Variants in FGF7 observed in about 807,000 individuals in gnomAD.
The protein encoded by FGF7 is fibroblast growth factor 7.
A neutral mutation model predicts 20.5 loss-of-function variants in FGF7; 6 were observed. The ratio of observed to expected loss-of-function variants is 0.29; its 90% confidence interval spans 0.16 to 0.58. FGF7 has a LOEUF of 0.58. Among genes scored for constraint, FGF7 ranks in the 20% least tolerant of loss-of-function variants. FGF7 has a pLI of 0.90. For missense variants in FGF7, 144 were observed against 228.8 expected (o/e 0.63, Z 2.39); for synonymous variants, 64 against 74.7 (o/e 0.86, Z 0.74).
At chr15:49,430,651 T>C (rs575903625) in intron 2 of FGF7, among the ~76,000 whole-genome samples, 6 of 151,926 alleles carry the variant, frequency 3.9e-5, no homozygotes, top group African/African-American at 1.4e-4. Flanking sequence ...CATTCCATGG[T>C]GGAAGGTAGA....
intron 2 of FGF7, among the ~76,000 whole-genome samples, chr15:49,430,236 G>A (rs904122255): frequency 1.3e-5 from 2 of 151,886 alleles, no homozygotes; most frequent in Non-Finnish European, 2.9e-5. Context: ...AATAGGTTCT[G>A]TACCACAGCC....
At chr15:49,474,527 A>G (rs377321108) in intron 2 of FGF7, among the ~76,000 whole-genome samples, 3 of 152,326 alleles carry the variant, frequency 2.0e-5, no homozygotes, top group African/African-American at 7.2e-5. Flanking sequence ...CAGTCAATAA[A>G]AGGTAAAAGA....
intron 2 of FGF7, among the ~76,000 whole-genome samples, chr15:49,450,758 G>A (rs113047963): frequency 0.023 from 3,532 of 152,102 alleles, 89 homozygotes; most frequent in South Asian, 0.13. Context: ...ATAACACTGC[G>A]TTTGTTATGA....
At position 49,488,612 on chromosome 15, in the gene FGF7, T is replaced by C. The variant is rs1029360769; in HGVS notation, c.*4108T>C. On this transcript the variant is annotated 3_prime_UTR_variant, in exon 4 of 4. Transcript: ENST00000267843. ...TTCCAAGTTCTTATCATTGAATTTA[T>C]GAGAGCCTATCAAAATTTATTTTCT... 2.0e-5 allele frequency: 3 copies of C among 152,014 alleles called. No individual in the cohort carries two copies. The highest frequency in any genetic ancestry group is 4.4e-5 in the Non-Finnish European group (3 of 67,924). 9.4% of individuals were successfully genotyped at this position (152,014 alleles called of 1,614,324 possible).
intron 2 of FGF7, among the ~76,000 whole-genome samples, chr15:49,468,716 A>G (rs899662023): frequency 6.6e-5 from 10 of 152,316 alleles, no homozygotes; most frequent in African/African-American, 2.4e-4. Context: ...AGTGAACTCA[A>G]TTCTTTCCTA....
At chr15:49,434,772 A>G (rs886532701) in intron 2 of FGF7, 1 of 151,590 alleles carries the variant, frequency 6.6e-6, no homozygotes, top group Non-Finnish European at 1.5e-5. Context: ...TTAAATCTAA[A>G]AACATAGACT....
chr15:49,483,132 T>C lies in FGF7; in HGVS notation c.287-19T>C, dbSNP rs762039173. The C allele has an allele frequency of 3.0e-6, 4 of 1,333,070 alleles. No homozygotes were observed. Among genetic ancestry groups the C allele is most frequent in the South Asian group, 2.3e-5 (2 of 85,712 alleles). The allele number at this position is 1,333,070 out of a possible 1,614,324, so 82.6% of individuals were successfully genotyped here. On this transcript the variant is annotated intron_variant, in intron 2 of 3. Coordinates refer to ENST00000267843, the MANE Select transcript of FGF7 (RefSeq NM_002009.4). ...AAACTGAACGAATATTTGACATGTC[T>C]TTCTGTGATTCCTTGCAGATATCAT...
intron 2 of FGF7, among the ~76,000 whole-genome samples, chr15:49,468,811 C>T (rs1373509018): frequency 6.6e-6 from 1 of 152,186 alleles, no homozygotes; most frequent in Non-Finnish European, 1.5e-5. Flanking sequence ...CCAATACTAG[C>T]ACTGACAAAA....
chr15:49,449,757 T>C (rs1405867303), intron 2 of FGF7, among the ~76,000 whole-genome samples: 1 of 151,852 alleles, frequency 6.6e-6, no homozygotes, highest in Non-Finnish European at 1.5e-5. Flanking sequence ...AGTGCCTTGC[T>C]TTTCTCTTTC....
At chr15:49,481,366 C>T (rs1315319516) in intron 2 of FGF7, among the ~76,000 whole-genome samples, 1 of 152,154 alleles carries the variant, frequency 6.6e-6, no homozygotes, top group Non-Finnish European at 1.5e-5. Context: ...ACAAATTTAA[C>T]CTAATAGTAT....
intron 2 of FGF7, among the ~76,000 whole-genome samples, chr15:49,426,011 A>G (rs1048996370): frequency 2.6e-5 from 4 of 151,498 alleles, no homozygotes; most frequent in East Asian, 3.9e-4. Context: ...TATCATGGAT[A>G]TAATAACAAT....
intron 2 of FGF7, among the ~76,000 whole-genome samples, chr15:49,453,950 T>C (rs1355714594): frequency 6.6e-6 from 1 of 152,146 alleles, no homozygotes; most frequent in African/African-American, 2.4e-5. Flanking sequence ...AATCACCAAG[T>C]CCTACTATTC....
intron 2 of FGF7, among the ~76,000 whole-genome samples, chr15:49,468,331 T>C (rs951330911): frequency 6.6e-6 from 1 of 152,212 alleles, no homozygotes; most frequent in Non-Finnish European, 1.5e-5. Context: ...CATGTGGAAC[T>C]ATTTTGAATT....
At chr15:49,435,130 A>G (rs1270665053) in intron 2 of FGF7, among the ~76,000 whole-genome samples, 1 of 151,602 alleles carries the variant, frequency 6.6e-6, no homozygotes, top group Non-Finnish European at 1.5e-5. Flanking sequence ...GGGAAAAGGC[A>G]TAAGTGTGAA....
At chr15:49,463,329 G>A (rs2053970890) in intron 2 of FGF7, among the ~76,000 whole-genome samples, 1 of 152,146 alleles carries the variant, frequency 6.6e-6, no homozygotes, top group Non-Finnish European at 1.5e-5. Flanking sequence ...TGAGGTGGGT[G>A]GATCACCTGA....
In FGF7 at chr15:49,464,438, G is replaced by A. The variant is rs1035929652; in HGVS notation, c.287-18713G>A. On this transcript the variant is annotated intron_variant, in intron 2 of 3. Transcript: ENST00000267843. Reference sequence around the variant, plus strand: ...ATAAATGATCTAAAAGTATGTACGTGTAGTGAAAATTCTAAGTTTGTAGGT... The same window carrying A: ...ATAAATGATCTAAAAGTATGTACGTATAGTGAAAATTCTAAGTTTGTAGGT... Among the ~76,000 whole-genome samples the A allele has an allele frequency of 5.9e-5, 9 of 152,144 alleles. 1 individual carries two copies. The highest frequency in any genetic ancestry group is 5.9e-4 in the Admixed American group (9 of 15,286).
intron 2 of FGF7, among the ~76,000 whole-genome samples, chr15:49,450,171 A>G (rs1014775118): frequency 2.0e-5 from 3 of 152,174 alleles, no homozygotes; most frequent in Non-Finnish European, 4.4e-5. Context: ...TGGAATTAGA[A>G]TGGCAGAAGA....
chr15:49,432,280 G>C (rs969320284), intron 2 of FGF7, among the ~76,000 whole-genome samples: 1 of 151,594 alleles, frequency 6.6e-6, no homozygotes, highest in Non-Finnish European at 1.5e-5. Context: ...TCCAAACTGT[G>C]TTTCTTTATA....
chr15:49,483,899 A>G (rs1307086856), intron 3 of FGF7, among the ~76,000 whole-genome samples: 1 of 152,066 alleles, frequency 6.6e-6, no homozygotes, highest in Non-Finnish European at 1.5e-5. Context: ...AGAAGTAAAT[A>G]AAGTTGTGAA....
Sources: gnomAD v4.1 joint callset for allele counts (sites outside exome capture counted in the v4.1 genomes callset) on GRCh38, gnomAD v4.1.1 for gene constraint, MANE v1.5 for transcripts, NCBI Gene and HGNC (gene_info 2026-07-23, HGNC 2026-07-21) for gene names.